CLCN3: variants seen among roughly 807,000 people sequenced by gnomAD.
The protein encoded by CLCN3 is Cl-/H+ antiporter 3.
CLCN3 carries 16 observed loss-of-function variants against 83.4 expected under a neutral mutation model. The ratio of observed to expected loss-of-function variants is 0.19; its 90% CI spans 0.13 to 0.29. The LOEUF (loss-of-function observed/expected upper bound fraction) is 0.29, where lower values mean the gene tolerates loss of function less well. Ranked by LOEUF, CLCN3 falls within the 10% of genes least tolerant of loss-of-function variation. The pLI is 1.00. For missense variants in CLCN3, 544 were observed against 1,006.0 expected (o/e 0.54, Z 6.21); for synonymous variants, 322 against 346.2 (o/e 0.93, Z 0.78).
At chr4:169,688,495 T>C (rs923334582) in intron 4 of CLCN3, among the ~76,000 whole-genome samples, 1 of 152,218 alleles carries the variant, frequency 6.6e-6, no homozygotes, top group Non-Finnish European at 1.5e-5. Flanking sequence ...TGCATAGTAA[T>C]TTTATGGCCT....
chr4:169,655,568 C>T (rs1730857003), intron 2 of CLCN3, among the ~76,000 whole-genome samples: 1 of 152,206 alleles, frequency 6.6e-6, no homozygotes, highest in South Asian at 2.1e-4. Context: ...AATCATGACT[C>T]ATTGCAGCCT....
intron 2 of CLCN3, among the ~76,000 whole-genome samples, chr4:169,637,598 A>AC (rs1192900680): frequency 0.016 from 1,311 of 84,118 alleles, 11 homozygotes; most frequent in African/African-American, 0.039. Context: ...ACCACCACCA[A>AC]CAACAACAAC....
chr4:169,654,758 A>T lies in CLCN3; in HGVS notation c.160+18670A>T, dbSNP rs78374184. ...TGTGTTGAAATTTTTTGCAACTTGC[A>T]TTGTGGCCCAGAAAAAAAGTCAACT... On this transcript the variant is annotated intron_variant, in intron 2 of 12. Coordinates refer to ENST00000513761, the MANE Select transcript of CLCN3 (RefSeq NM_001829.4). 7.0e-3 allele frequency among the ~76,000 whole-genome samples: 1,068 copies of T among 152,232 alleles called. 8 individuals carry two copies. The highest frequency in any genetic ancestry group is 0.025 in the African/African-American group (1,028 of 41,528).
chr4:169,636,734 G>GGTT (rs56381100), intron 2 of CLCN3, among the ~76,000 whole-genome samples: 27,766 of 88,388 alleles, frequency 0.31, 3,169 homozygotes, highest in East Asian at 0.47. Context: ...TTCATTATTT[G>GGTT]GTTTTTTTTT....
chr4:169,660,267 T>C lies in CLCN3; in HGVS notation c.161-19783T>C, dbSNP rs1731007026. 6 of 1,266,932 alleles carry C rather than the reference T, an allele frequency of 4.7e-6. No homozygotes were observed. The African/African-American group carries it at 6.2e-5, about 13-fold the overall frequency. 78.5% of individuals were successfully genotyped at this position (1,266,932 alleles called of 1,614,324 possible). A position where few individuals can be genotyped will look rare whatever the true frequency, so the allele number is the denominator to read the frequency against. On this transcript the variant is annotated intron_variant, in intron 2 of 12. Coordinates refer to ENST00000513761, the MANE Select transcript of CLCN3 (RefSeq NM_001829.4). ...AGTTTTAACCTCATCAAATATGGCA[T>C]CTCCCTTGCTTGCTGCAGCAGGGAT...
At chr4:169,661,176 A>C (rs1204661667) in intron 2 of CLCN3, among the ~76,000 whole-genome samples, 1 of 152,126 alleles carries the variant, frequency 6.6e-6, no homozygotes, top group Non-Finnish European at 1.5e-5. Flanking sequence ...TTGCATGTTA[A>C]TTACTACCCT....
intron 2 of CLCN3, among the ~76,000 whole-genome samples, chr4:169,671,000 G>C (rs901283896): frequency 6.6e-6 from 1 of 152,226 alleles, no homozygotes; most frequent in African/African-American, 2.4e-5. Flanking sequence ...CTGTTGGTGG[G>C]AGTGTAAATT....
chr4:169,699,985 TTCCTAC>T (rs1390379104), intron 9 of CLCN3, among the ~76,000 whole-genome samples: 1 of 152,206 alleles, frequency 6.6e-6, no homozygotes, highest in Non-Finnish European at 1.5e-5. Flanking sequence ...AAAGCTCTTT[TTCCTAC>T]AATAAGTAAG....
Position 169,692,107 on chromosome 4 carries a change from C to T in CLCN3, c.730-7C>T. The stretch of plus-strand genomic sequence containing the variant: ...GACATTAAGCTGCCTTAATCTTTGC[C>T]TTGTAGATTAAAACTATTTTAAGTG... On this transcript the variant is annotated splice_polypyrimidine_tract_variant and splice_region_variant and intron_variant, in intron 6 of 12. Transcript: ENST00000513761. The T allele has an allele frequency of 6.5e-7, 1 of 1,532,534 alleles. No individual in the cohort carries two copies. The highest frequency in any genetic ancestry group is 1.1e-5 in the South Asian group (1 of 88,472). 94.9% of individuals were successfully genotyped at this position (1,532,534 alleles called of 1,614,324 possible).
intron 9 of CLCN3, chr4:169,702,863 A>T (rs1732850704): frequency 4.1e-6 from 1 of 245,870 alleles, no homozygotes; most frequent in African/African-American, 2.2e-5. Flanking sequence ...CGGCAGGATC[A>T]CGCCCAGCCA....
chr4:169,656,558 C>T (rs961799455), intron 2 of CLCN3, among the ~76,000 whole-genome samples: 4 of 152,200 alleles, frequency 2.6e-5, no homozygotes, highest in African/African-American at 9.6e-5. Flanking sequence ...GGTGAGGATA[C>T]AGATCCAAAC....
At chr4:169,719,424 A>T (rs1427461026) in intron 12 of CLCN3, among the ~76,000 whole-genome samples, 1 of 152,224 alleles carries the variant, frequency 6.6e-6, no homozygotes, top group Non-Finnish European at 1.5e-5. Context: ...AGATCGCGCC[A>T]CTGCACTCCA....
chr4:169,653,824 T>G (rs1194241190), intron 2 of CLCN3, among the ~76,000 whole-genome samples: 1 of 151,938 alleles, frequency 6.6e-6, no homozygotes, highest in African/African-American at 2.4e-5. Flanking sequence ...CAGGCTCCTT[T>G]AAACAACCAG....
chr4:169,629,702 T>C (rs934741801), intron 1 of CLCN3, among the ~76,000 whole-genome samples: 1 of 152,200 alleles, frequency 6.6e-6, no homozygotes, highest in Admixed American at 6.5e-5. Flanking sequence ...CCATTGAGTA[T>C]ACAGTGTTGA....
At chr4:169,718,346 A>C (rs944781831) in intron 12 of CLCN3, among the ~76,000 whole-genome samples, 5 of 152,104 alleles carry the variant, frequency 3.3e-5, no homozygotes, top group Non-Finnish European at 7.4e-5. Flanking sequence ...TAGCAATTAG[A>C]ACTGCTTACA....
At chr4:169,632,490 G>A (rs1167253386) in intron 1 of CLCN3, among the ~76,000 whole-genome samples, 1 of 152,090 alleles carries the variant, frequency 6.6e-6, no homozygotes, top group Non-Finnish European at 1.5e-5. Context: ...AGCAATTTGG[G>A]AGGCCGAGGC....
At chr4:169,694,359 A>G (rs1258412607) in intron 7 of CLCN3, among the ~76,000 whole-genome samples, 1 of 152,212 alleles carries the variant, frequency 6.6e-6, no homozygotes, top group African/African-American at 2.4e-5. Context: ...ACCCATAGCC[A>G]TACAGCTAGT....
At position 169,707,900 on chromosome 4, in the gene CLCN3, T is replaced by TA. The variant is rs202067316; in HGVS notation, c.2149+637dup. On this transcript the variant is annotated intron_variant, in intron 11 of 12. Transcript: ENST00000513761. Reference sequence around the variant, plus strand: ...CATAGTGTATTTCTTGGAGATAAATTAAACTTTCTATAGTTCTGTTTCTCT... The same window carrying TA: ...CATAGTGTATTTCTTGGAGATAAATTAAAACTTTCTATAGTTCTGTTTCTCT... 6.8e-3 allele frequency among the ~76,000 whole-genome samples: 1,030 copies of TA among 152,326 alleles called. 5 individuals are homozygous for TA. The highest frequency in any genetic ancestry group is 0.011 in the Non-Finnish European group (745 of 68,008).
At chr4:169,712,407 G>A (rs1733257495) in intron 11 of CLCN3, among the ~76,000 whole-genome samples, 1 of 151,856 alleles carries the variant, frequency 6.6e-6, no homozygotes, top group Non-Finnish European at 1.5e-5. Context: ...GTGGAAGTAG[G>A]CAGCAGGACA....
Sources: allele counts gnomAD v4.1 joint callset (sites outside exome capture counted in the v4.1 genomes callset), GRCh38; gene constraint gnomAD v4.1.1; transcripts MANE v1.5; gene names NCBI Gene and HGNC (gene_info 2026-07-23, HGNC 2026-07-21).